FAXC: variants seen among roughly 807,000 people sequenced by gnomAD.
FAXC encodes failed axon connections homolog.
In FAXC, 10 loss-of-function variants were observed where a neutral mutation model predicts 41.9. The observed-to-expected ratio is 0.24, with a 90% CI of 0.15 to 0.41. FAXC has a LOEUF of 0.41. Among genes scored for constraint, FAXC ranks in the 10% least tolerant of loss-of-function variants. FAXC has a pLI of 1.00. For synonymous variants in FAXC, 183 were observed against 183.8 expected (o/e 1.00, Z 0.03); for missense variants, 399 against 510.9 (o/e 0.78, Z 2.11).
At chr6:99,318,343 T>G (rs1436020733) in intron 4 of FAXC, among the ~76,000 whole-genome samples, 3 of 151,298 alleles carry the variant, frequency 2.0e-5, no homozygotes, top group African/African-American at 7.3e-5. Flanking sequence ...TGTACAAATA[T>G]GTATATATAG....
chr6:99,281,805 A>G (rs1165808122), intron 5 of FAXC, among the ~76,000 whole-genome samples: 2 of 152,190 alleles, frequency 1.3e-5, no homozygotes, highest in Admixed American at 1.3e-4. Flanking sequence ...ATGATCCTGC[A>G]TTTCCCAGAC....
At chr6:99,323,074 G>T (rs1269646326) in intron 4 of FAXC, among the ~76,000 whole-genome samples, 1 of 152,224 alleles carries the variant, frequency 6.6e-6, no homozygotes, top group Non-Finnish European at 1.5e-5. Context: ...TGAGCAGCGT[G>T]TTCCTAAAGC....
At chr6:99,344,629 T>G (rs1388733294) in intron 1 of FAXC, among the ~76,000 whole-genome samples, 1 of 152,184 alleles carries the variant, frequency 6.6e-6, no homozygotes, top group East Asian at 1.9e-4. Context: ...ATATTAACTA[T>G]AAAAGAAATG....
chr6:99,307,637 C>T (rs1240460792), intron 4 of FAXC, among the ~76,000 whole-genome samples: 1 of 152,054 alleles, frequency 6.6e-6, no homozygotes, highest in Non-Finnish European at 1.5e-5. Context: ...AGGGCAAGGT[C>T]AGGGGTCAGA....
chr6:99,333,261 A>C, intron 3 of FAXC, 90 bp downstream of exon 3: 1 of 1,131,824 alleles, frequency 8.8e-7, no homozygotes, highest in Non-Finnish European at 1.3e-6. Context: ...AAGGTAGAAA[A>C]CTGCTGAAAC....
rs138036357 is a variant in FAXC, at chr6:99,276,834, G to C, written c.*4330C>G. 1.3e-5 allele frequency: 2 copies of C among 152,096 alleles called. No individual in the cohort carries two copies. The highest frequency in any genetic ancestry group is 2.4e-5 in the African/African-American group (1 of 41,424). 9.4% of individuals were successfully genotyped at this position (152,096 alleles called of 1,614,324 possible). On this transcript the variant is annotated 3_prime_UTR_variant, in exon 6 of 6. Transcript: ENST00000389677. ...TCTGGGAATAGGGTATAGAACTTTCGTTGGATTATCAGTGGAGTTCCTGAC... is the reference window on the plus strand; with the variant it reads ...TCTGGGAATAGGGTATAGAACTTTCCTTGGATTATCAGTGGAGTTCCTGAC...
intron 3 of FAXC, among the ~76,000 whole-genome samples, chr6:99,323,915 C>T (rs993939109): frequency 6.6e-6 from 1 of 152,050 alleles, no homozygotes; most frequent in Non-Finnish European, 1.5e-5. Context: ...TGGTACCCAC[C>T]CTCAGACCTC....
rs1770703171 is a variant in FAXC, at chr6:99,278,362, C to G, written c.*2802G>C. ...TTTTACAATGACAGGAAAAAAAGAA[C>G]GAATAGCCTATGGGTCTGTTGTCCA... is the stretch of plus-strand genomic sequence containing the variant. On this transcript the variant is annotated 3_prime_UTR_variant, in exon 6 of 6. Coordinates refer to ENST00000389677, the MANE Select transcript of FAXC (RefSeq NM_032511.4). 1 of 152,108 alleles carries G rather than the reference C, an allele frequency of 6.6e-6. No individual in the cohort carries two copies. The highest frequency in any genetic ancestry group is 2.4e-5 in the African/African-American group (1 of 41,394). 9.4% of individuals were successfully genotyped at this position (152,108 alleles called of 1,614,324 possible).
rs555967056 is a variant in FAXC, at chr6:99,349,658, G to C, written c.-286C>G. 2.0e-5 allele frequency: 3 copies of C among 152,044 alleles called. No homozygotes were observed. The highest frequency in any genetic ancestry group is 4.8e-5 in the African/African-American group (2 of 41,378). The allele number at this position is 152,044 out of a possible 1,614,324, so 9.4% of individuals were successfully genotyped here. A position where few individuals can be genotyped will look rare whatever the true frequency, so the allele number is the denominator to read the frequency against. ...GCCTCTCCGCCCCGCTCTTTGTGTC[G>C]GCGCCTGGAGAAGGCCGCGTGATGT... On this transcript the variant is annotated 5_prime_UTR_variant, in exon 1 of 6. Transcript: ENST00000389677.
At chr6:99,342,587 G>A (rs1202697693) in intron 2 of FAXC, among the ~76,000 whole-genome samples, 1 of 152,198 alleles carries the variant, frequency 6.6e-6, no homozygotes, top group Admixed American at 6.5e-5. Context: ...CAAGTGATCC[G>A]CCTGCCTTGG....
Position 99,349,144 on chromosome 6 carries a change from C to T in FAXC, c.229G>A (p.Ala77Thr). 1.9e-6 allele frequency: 3 copies of T among 1,613,668 alleles called. No individual in the cohort carries two copies. Among genetic ancestry groups the T allele is most frequent in the African/African-American group, 1.3e-5 (1 of 75,066 alleles). The change falls in exon 1 of 6, where the codon GCA becomes ACA. Residue 77 changes from alanine (A) to threonine (T), a missense_variant. By Grantham distance (58) the Ala-to-Thr change is moderately conservative. Around this residue, in one of 3 missense-constraint regions of FAXC, gnomAD observed 239 missense variants for 352.7 expected, o/e 0.68. Coordinates refer to ENST00000389677, the MANE Select transcript of FAXC (RefSeq NM_032511.4). ...LYLTGGALLA[A>T]AAYLLHELLV... ...AGTTCGTGGAGCAGATACGCAGCTG[C>T]GGCCAGCAAAGCTCCCCCGGTCAAG...
At position 99,277,615 on chromosome 6, in the gene FAXC, A is replaced by T. The variant is rs1401290186; in HGVS notation, c.*3549T>A. The T allele has an allele frequency of 6.6e-6, 1 of 152,238 alleles. No homozygotes were observed. The highest frequency in any genetic ancestry group is 1.9e-4 in the East Asian group (1 of 5,194). 9.4% of individuals were successfully genotyped at this position (152,238 alleles called of 1,614,324 possible). The stretch of plus-strand genomic sequence containing the variant: ...TCTTGTATTGGTCTTGACCAGGCTG[A>T]CAGGACATGGACAAAAGCGAAGTAG... On this transcript the variant is annotated 3_prime_UTR_variant, in exon 6 of 6. Transcript: ENST00000389677.
chr6:99,326,490 T>C (rs1189199610), intron 3 of FAXC, among the ~76,000 whole-genome samples: 11 of 152,136 alleles, frequency 7.2e-5, no homozygotes, highest in Non-Finnish European at 7.4e-5. Context: ...TGATGAAAGA[T>C]TGGTTAACCT....
At position 99,349,418 on chromosome 6, in the gene FAXC, C is replaced by A. The variant is rs755679928; in HGVS notation, c.-46G>T. On this transcript the variant is annotated 5_prime_UTR_variant, in exon 1 of 6. Transcript: ENST00000389677. ...CGCCCCTCCCAGGGCCCGCGCCGCC[C>A]GCATGGGAAGGGGCCGGCGCGGCCC... 2 of 1,493,550 alleles carry A rather than the reference C, an allele frequency of 1.3e-6. No homozygotes were observed. The highest frequency in any genetic ancestry group is 2.5e-5 in the East Asian group (1 of 39,898). 92.5% of individuals were successfully genotyped at this position (1,493,550 alleles called of 1,614,324 possible). A position where few individuals can be genotyped will look rare whatever the true frequency, so the allele number is the denominator to read the frequency against.
intron 4 of FAXC, among the ~76,000 whole-genome samples, chr6:99,311,350 G>A (rs935572079): frequency 6.6e-6 from 1 of 152,152 alleles, no homozygotes; most frequent in Non-Finnish European, 1.5e-5. Flanking sequence ...GCCGAGGTGG[G>A]TGGATCACGA....
In FAXC at chr6:99,289,770, A is replaced by T. The variant is rs141509787; in HGVS notation, c.940+1934T>A. On this transcript the variant is annotated intron_variant, in intron 5 of 5. Coordinates refer to ENST00000389677, the MANE Select transcript of FAXC (RefSeq NM_032511.4). ...ACTTAACACCTCTAACCTGCCAAACATCATACATTAGTTTAGCTTACCTTA... is the reference window on the plus strand; with the variant it reads ...ACTTAACACCTCTAACCTGCCAAACTTCATACATTAGTTTAGCTTACCTTA... Among the ~76,000 whole-genome samples the T allele has an allele frequency of 2.6e-5, 4 of 151,950 alleles. 1 individual carries two copies. The highest frequency in any genetic ancestry group is 9.7e-5 in the African/African-American group (4 of 41,438).
At chr6:99,284,559 CTGTGTGTGTGTGTGTGTGTG>C (rs74553398) in intron 5 of FAXC, among the ~76,000 whole-genome samples, 1 of 118,820 alleles carries the variant, frequency 8.4e-6, no homozygotes, top group Non-Finnish European at 1.8e-5. Flanking sequence ...TGTGGAGTGT[CTGTGTGTGTGTGTGTGTGTG>C]TGTGTGTGTG....
chr6:99,301,710 A>C (rs562588416), intron 4 of FAXC, among the ~76,000 whole-genome samples: 1 of 152,216 alleles, frequency 6.6e-6, no homozygotes, highest in Non-Finnish European at 1.5e-5. Context: ...AGACTGAAAG[A>C]TAAGATTCTA....
At chr6:99,335,466 A>G (rs1773182227) in intron 2 of FAXC, among the ~76,000 whole-genome samples, 1 of 152,044 alleles carries the variant, frequency 6.6e-6, no homozygotes, top group Non-Finnish European at 1.5e-5. Flanking sequence ...TGGAAATGCT[A>G]TTGCTTCCTT....
Sources: gnomAD v4.1 joint callset for allele counts (sites outside exome capture counted in the v4.1 genomes callset) on GRCh38, gnomAD v4.1.1 for gene constraint, gnomAD v4.1.1 regional missense constraint, MANE v1.5 for transcripts, NCBI Gene and HGNC (gene_info 2026-07-23, HGNC 2026-07-21) for gene names.